ARHGEF3: variants seen among roughly 807,000 people sequenced by gnomAD.
The protein encoded by ARHGEF3 is 59.8 kDA protein.
In ARHGEF3, 28 loss-of-function variants were observed where a neutral mutation model predicts 63.2. That is an observed-to-expected ratio of 0.44 (90% confidence interval 0.33 to 0.61). ARHGEF3 has a LOEUF of 0.61. Among genes scored for constraint, ARHGEF3 ranks in the 20% least tolerant of loss-of-function variants. The pLI, the probability that ARHGEF3 is intolerant of heterozygous loss-of-function variation, is 0.03. For missense variants in ARHGEF3, 533 were observed against 659.3 expected (o/e 0.81, Z 2.10); for synonymous variants, 266 against 254.2 (o/e 1.05, Z -0.44).
At chr3:56,967,599 TA>T (rs1315690331) in intron 2 of ARHGEF3, among the ~76,000 whole-genome samples, 1 of 90,538 alleles carries the variant, frequency 1.1e-5, no homozygotes, top group Non-Finnish European at 1.9e-5. Flanking sequence ...TTTAATTATA[TA>T]TTATATATGT....
intron 4 of ARHGEF3, among the ~76,000 whole-genome samples, chr3:56,875,422 C>T (rs2040554050): frequency 6.6e-6 from 1 of 152,192 alleles, no homozygotes; most frequent in South Asian, 2.1e-4. Flanking sequence ...TTCATTCATT[C>T]ACCCATCCTA....
intron 1 of ARHGEF3, among the ~76,000 whole-genome samples, chr3:56,791,168 C>T (rs1052410547): frequency 2.0e-5 from 3 of 151,878 alleles, no homozygotes; most frequent in Non-Finnish European, 2.9e-5. Flanking sequence ...CTTGGGAGGC[C>T]GAGGTGGGAG....
At chr3:56,869,975 T>C (rs1434114414) in intron 4 of ARHGEF3, among the ~76,000 whole-genome samples, 1 of 152,014 alleles carries the variant, frequency 6.6e-6, no homozygotes, top group African/African-American at 2.4e-5. Context: ...TATATATATA[T>C]ATATTTTAAA....
At chr3:56,956,215 G>T (rs1700034863) in intron 3 of ARHGEF3, among the ~76,000 whole-genome samples, 1 of 57,266 alleles carries the variant, frequency 1.7e-5, no homozygotes, top group South Asian at 4.5e-4. Flanking sequence ...GGCAGGGTTG[G>T]TGTTTTTTTT....
rs1198210557 is a variant in ARHGEF3, at chr3:56,773,769, T to C, written c.144A>G (p.Leu48=). The part of the protein sequence containing the change: ...RVKPLSRVTS[L]ANLIPPVKAT... The stretch of plus-strand genomic sequence containing the variant: ...CCTTCACGGGCGGGATGAGGTTTGC[T>C]AGCGACGTGACTCGGGAAAGGGGTT... The change falls in exon 2 of 10, where the codon CTA becomes CTG. Residue 48 remains leucine (L), a synonymous_variant. Coordinates refer to ENST00000296315, the MANE Select transcript of ARHGEF3 (RefSeq NM_019555.3). 2.5e-6 allele frequency: 4 copies of C among 1,602,022 alleles called. No homozygotes were observed. In the African/African-American group the frequency reaches 4.1e-5, roughly 16 times the overall value.
At chr3:57,075,862 C>T (rs1706196287) in intron 1 of ARHGEF3, among the ~76,000 whole-genome samples, 1 of 152,086 alleles carries the variant, frequency 6.6e-6, no homozygotes, top group South Asian at 2.1e-4. Context: ...ACTGAATAAA[C>T]AATTTTCATC....
chr3:56,739,663 A>T (rs1197605037), intron 7 of ARHGEF3, among the ~76,000 whole-genome samples: 2 of 151,616 alleles, frequency 1.3e-5, no homozygotes, highest in Non-Finnish European at 1.5e-5. Context: ...GCCTCCCAAA[A>T]TGCTAGGATT....
chr3:56,825,820 T>A (rs1020366444), intron 4 of ARHGEF3, among the ~76,000 whole-genome samples: 19 of 152,164 alleles, frequency 1.2e-4, no homozygotes, highest in Admixed American at 1.1e-3. Context: ...CCTTTTCTGA[T>A]CATGGCTCTA....
intron 3 of ARHGEF3, among the ~76,000 whole-genome samples, chr3:56,904,425 A>G (rs951474429): frequency 1.3e-5 from 2 of 152,224 alleles, no homozygotes; most frequent in Non-Finnish European, 2.9e-5. Flanking sequence ...TTGGCCTCCC[A>G]AAGTGCTGAG....
intron 2 of ARHGEF3, among the ~76,000 whole-genome samples, chr3:56,773,419 T>C (rs1242009072): frequency 2.6e-5 from 4 of 152,132 alleles, no homozygotes; most frequent in Non-Finnish European, 4.4e-5. Flanking sequence ...AGGAGGCCCA[T>C]AGATATTTTA....
At chr3:56,897,417 C>T (rs2041338364) in intron 3 of ARHGEF3, among the ~76,000 whole-genome samples, 1 of 152,146 alleles carries the variant, frequency 6.6e-6, no homozygotes, top group Non-Finnish European at 1.5e-5. Flanking sequence ...TATTTAGAAG[C>T]CAAGATCTGG....
rs1702204068 is a variant in ARHGEF3 at position 57,001,915 on chromosome 3, G to GCTT, written c.62+33172_62+33173insAAG. Among the ~76,000 whole-genome samples, 2 of 53,718 alleles carry GCTT rather than the reference G, an allele frequency of 3.7e-5. 1 individual carries two copies. Among genetic ancestry groups the GCTT allele is most frequent in the Non-Finnish European group, 6.9e-5 (2 of 29,174 alleles). The allele number at this position is 53,718 out of a possible 152,430, so 35.2% of individuals were successfully genotyped here. A position where few individuals can be genotyped will look rare whatever the true frequency, so the allele number is the denominator to read the frequency against. On this transcript the variant is annotated intron_variant, in intron 2 of 12. Coordinates refer to the ARHGEF3 transcript ENST00000338458. ...AAATCCTAAAACCCAAAGTGAGATA[G>GCTT]TTTTTTTTTTTTTTGTTTTTTGTTT... is the stretch of plus-strand genomic sequence containing the variant.
rs533323431 is a variant in ARHGEF3, at chr3:56,855,693, A to C, written c.192+26599T>G. ...GAGACTGTCTCAAAAAAAAAAAAAA[A>C]AGTACTCTGGGCTGCCTGTCTTCCC... On this transcript the variant is annotated intron_variant, in intron 4 of 12. Transcript: ENST00000338458. 1.1e-4 allele frequency among the ~76,000 whole-genome samples: 16 copies of C among 151,826 alleles called. No homozygotes were observed. In the South Asian group the frequency reaches 3.3e-3, roughly 32 times the overall value.
chr3:57,068,113 C>G (rs1338131058), intron 1 of ARHGEF3, among the ~76,000 whole-genome samples: 1 of 152,058 alleles, frequency 6.6e-6, no homozygotes, highest in South Asian at 2.1e-4. Flanking sequence ...ACACTAGACA[C>G]GCATAGGGTA....
At chr3:56,855,370 T>C (rs1013984593) in intron 4 of ARHGEF3, among the ~76,000 whole-genome samples, 2 of 152,162 alleles carry the variant, frequency 1.3e-5, no homozygotes, top group African/African-American at 4.8e-5. Context: ...CAGCAATAAA[T>C]GGCCTTTACT....
chr3:56,890,724 G>C (rs980151396), intron 3 of ARHGEF3, among the ~76,000 whole-genome samples: 1 of 152,182 alleles, frequency 6.6e-6, no homozygotes, highest in Admixed American at 6.5e-5. Flanking sequence ...CTGCAAGCCT[G>C]ACTTAATTTT....
At chr3:57,055,163 C>G (rs80231313) in intron 1 of ARHGEF3, among the ~76,000 whole-genome samples, 2 of 135,288 alleles carry the variant, frequency 1.5e-5, no homozygotes, top group African/African-American at 5.4e-5. Context: ...TCTCTTTATG[C>G]TTTTTTTTTT....
intron 1 of ARHGEF3, among the ~76,000 whole-genome samples, chr3:57,046,246 C>T (rs952689876): frequency 2.0e-5 from 3 of 152,110 alleles, no homozygotes; most frequent in Admixed American, 6.6e-5. Flanking sequence ...TTTTCGAGAA[C>T]GAAATAAACT....
At chr3:56,768,753 A>G (rs183843051) in intron 2 of ARHGEF3, among the ~76,000 whole-genome samples, 1 of 152,346 alleles carries the variant, frequency 6.6e-6, no homozygotes, top group East Asian at 1.9e-4. Context: ...TAATCCTAAT[A>G]AAAGGTGCAA....
Sources: gnomAD v4.1 joint callset for allele counts (sites outside exome capture counted in the v4.1 genomes callset) on GRCh38, gnomAD v4.1.1 for gene constraint, MANE v1.5 for transcripts, NCBI Gene and HGNC (gene_info 2026-07-23, HGNC 2026-07-21) for gene names.